Variants in MAP2 observed in about 807,000 individuals in gnomAD.
MAP2 encodes the protein microtubule associated protein 2, also known as microtubule-associated protein 2.
MAP2 carries 14 observed loss-of-function variants against 137.6 expected under a neutral mutation model. The observed-to-expected ratio is 0.10, with a 90% CI of 0.07 to 0.16. The LOEUF (loss-of-function observed/expected upper bound fraction) is 0.16. Among genes scored for constraint, MAP2 ranks in the 10% least tolerant of loss-of-function variants. The pLI, the probability that MAP2 is intolerant of heterozygous loss-of-function variation, is 1.00. For synonymous variants in MAP2, 786 were observed against 782.3 expected (o/e 1.00, Z -0.08); for missense variants, 2,088 against 2,191.5 (o/e 0.95, Z 0.94).
intron 1 of MAP2, among the ~76,000 whole-genome samples, chr2:209,439,162 G>T (rs774388258): frequency 6.6e-6 from 1 of 151,416 alleles, no homozygotes; most frequent in Non-Finnish European, 1.5e-5. Flanking sequence ...ACAAAGAGGG[G>T]TATCATATGG....
intron 1 of MAP2, among the ~76,000 whole-genome samples, chr2:209,482,220 A>G (rs1360628622): frequency 1.3e-5 from 2 of 152,216 alleles, no homozygotes; most frequent in Admixed American, 1.3e-4. Context: ...CTCTGAGGGC[A>G]GAGTGCTATG....
At chr2:209,646,225 A>G (rs1229830814) in intron 4 of MAP2, among the ~76,000 whole-genome samples, 3 of 152,212 alleles carry the variant, frequency 2.0e-5, no homozygotes, top group Non-Finnish European at 4.4e-5. Flanking sequence ...AGAAAATAAA[A>G]GAAATAAGCA....
chr2:209,446,813 GTTTAAATAGAGTACCTTTGGCCCTCTA>G (rs1699176755), intron 1 of MAP2, among the ~76,000 whole-genome samples: 1 of 144,498 alleles, frequency 6.9e-6, no homozygotes, highest in African/African-American at 2.4e-5. Context: ...CTACTGCTGT[GTTTAAATAGAGTACCTTTGGCCCTCTA>G]TTGAGATTTA....
intron 1 of MAP2, among the ~76,000 whole-genome samples, chr2:209,493,382 T>A (rs544869566): frequency 1.3e-5 from 2 of 152,260 alleles, no homozygotes; most frequent in East Asian, 3.9e-4. Flanking sequence ...AAAGACTTCA[T>A]GACTAAAACA....
At chr2:209,699,959 A>T in intron 10 of MAP2, among the ~76,000 whole-genome samples, 1 of 152,146 alleles carries the variant, frequency 6.6e-6, no homozygotes. Context: ...CTATTCTGTA[A>T]CTTCTGTTCT....
At chr2:209,428,265 A>T (rs964704145) in intron 1 of MAP2, among the ~76,000 whole-genome samples, 1 of 152,200 alleles carries the variant, frequency 6.6e-6, no homozygotes, top group African/African-American at 2.4e-5. Flanking sequence ...AAAGTTAGAC[A>T]AAATAAAGAG....
chr2:209,452,322 A>G (rs1700503519), intron 1 of MAP2, among the ~76,000 whole-genome samples: 1 of 152,164 alleles, frequency 6.6e-6, no homozygotes, highest in Non-Finnish European at 1.5e-5. Context: ...TCAAGGATGT[A>G]AAACCCACTT....
chr2:209,687,668 T>C (rs2057475741), intron 7 of MAP2, among the ~76,000 whole-genome samples: 1 of 152,114 alleles, frequency 6.6e-6, no homozygotes, highest in Non-Finnish European at 1.5e-5. Context: ...TGATCTTGTG[T>C]CTGTGTTGTC....
At chr2:209,453,188 A>G (rs939269684) in intron 1 of MAP2, among the ~76,000 whole-genome samples, 1 of 152,160 alleles carries the variant, frequency 6.6e-6, no homozygotes, top group African/African-American at 2.4e-5. Flanking sequence ...GAATGACAAA[A>G]TAAGTGTAGC....
At chr2:209,545,666 G>C (rs1577765440) in intron 2 of MAP2, among the ~76,000 whole-genome samples, 2 of 152,094 alleles carry the variant, frequency 1.3e-5, no homozygotes, top group East Asian at 3.8e-4. Flanking sequence ...GCACAAAATT[G>C]CTGCAGTATT....
intron 1 of MAP2, among the ~76,000 whole-genome samples, chr2:209,492,562 CCTT>C (rs2059250441): frequency 6.6e-6 from 1 of 152,152 alleles, no homozygotes; most frequent in Non-Finnish European, 1.5e-5. Context: ...CCCAAAATCT[CCTT>C]AAGATGATAA....
intron 2 of MAP2, among the ~76,000 whole-genome samples, chr2:209,548,857 C>T (rs2068606057): frequency 6.6e-6 from 1 of 152,134 alleles, no homozygotes; most frequent in South Asian, 2.1e-4. Flanking sequence ...CTTTGCCTTC[C>T]ACCATGCTTG....
Position 209,695,323 on chromosome 2 carries a change from T to C in MAP2, c.3153T>C (p.Ser1051=). The part of the protein sequence containing the change: ...AVQGQLDVKI[S]DFGQMASGLN... ...AGGGTCAACTAGATGTTAAAATTAG[T>C]GACTTTGGACAGATGGCTTCAGGGC... Residue 1051 remains serine, a synonymous_variant, in exon 8 of 16, where the codon AGT becomes AGC. Coordinates refer to ENST00000682079, the MANE Select transcript of MAP2 (RefSeq NM_001375505.1). The C allele has an allele frequency of 1.2e-6, 2 of 1,613,874 alleles. No homozygotes were observed. The highest frequency in any genetic ancestry group is 1.7e-6 in the Non-Finnish European group (2 of 1,179,962).
intron 4 of MAP2, among the ~76,000 whole-genome samples, chr2:209,650,822 T>C (rs2094741129): frequency 6.6e-6 from 1 of 152,204 alleles, no homozygotes; most frequent in Admixed American, 6.5e-5. Flanking sequence ...GTAAAGCCTG[T>C]TAACTCAGAA....
intron 2 of MAP2, among the ~76,000 whole-genome samples, chr2:209,538,217 A>G (rs1434434308): frequency 6.6e-6 from 1 of 152,232 alleles, no homozygotes; most frequent in Non-Finnish European, 1.5e-5. Flanking sequence ...AATACAATTT[A>G]TGATATAATG....
intron 11 of MAP2, 53 bp downstream of exon 11, chr2:209,700,391 G>T: frequency 7.5e-7 from 1 of 1,341,814 alleles, no homozygotes; most frequent in Non-Finnish European, 1.1e-6. Flanking sequence ...TTTGGTATTA[G>T]CTGTAACATC....
intron 3 of MAP2, among the ~76,000 whole-genome samples, chr2:209,582,899 A>G (rs1482020442): frequency 6.6e-6 from 1 of 152,086 alleles, no homozygotes; most frequent in Non-Finnish European, 1.5e-5. Context: ...CCTGGGAGAT[A>G]AGTGTGGTCT....
chr2:209,481,890 A>G (rs1708865510), intron 1 of MAP2, among the ~76,000 whole-genome samples: 1 of 152,224 alleles, frequency 6.6e-6, no homozygotes, highest in African/African-American at 2.4e-5. Flanking sequence ...GCCAGCTTCC[A>G]CAAACTTCTG....
chr2:209,663,051 C>T (rs2044439927), intron 5 of MAP2, among the ~76,000 whole-genome samples: 1 of 151,918 alleles, frequency 6.6e-6, no homozygotes, highest in Non-Finnish European at 1.5e-5. Context: ...TGCTGCCTTG[C>T]GGTTTAGAAT....
Sources: allele counts gnomAD v4.1 joint callset (sites outside exome capture counted in the v4.1 genomes callset), GRCh38; gene constraint gnomAD v4.1.1; transcripts MANE v1.5; gene names NCBI Gene and HGNC (gene_info 2026-07-23, HGNC 2026-07-21).